The following TMEM230 variants were observed in gnomAD, a reference collection of about 807,000 sequenced individuals.
TMEM230 encodes transmembrane protein 230.
In TMEM230, 10 loss-of-function variants were observed where a neutral mutation model predicts 15.8. The ratio of observed to expected loss-of-function variants is 0.63; its 90% confidence interval spans 0.39 to 1.07. TMEM230 has a LOEUF of 1.07. TMEM230 is among the 50% of genes least tolerant of loss of function. The probability of loss-of-function intolerance (pLI) is 0.01; values close to 1 mark genes in which losing one functional copy is unlikely to be tolerated. For synonymous variants in TMEM230, 67 were observed against 76.9 expected (o/e 0.87, Z 0.68); for missense variants, 165 against 193.3 (o/e 0.85, Z 0.87).
At chr20:5,110,466 G>A (rs1320234401) in intron 2 of TMEM230, among the ~76,000 whole-genome samples, 2 of 151,936 alleles carry the variant, frequency 1.3e-5, no homozygotes, top group East Asian at 3.9e-4. Flanking sequence ...TGCATTTTTA[G>A]TAGAGATGGG....
intron 3 of TMEM230, among the ~76,000 whole-genome samples, chr20:5,106,824 T>A (rs565524113): frequency 2.6e-5 from 4 of 152,110 alleles, no homozygotes; most frequent in African/African-American, 9.7e-5. Context: ...TCTTGCCTCA[T>A]CCTCTCAAGT....
intron 3 of TMEM230, among the ~76,000 whole-genome samples, chr20:5,081,411 A>T (rs746413965): frequency 7.9e-5 from 12 of 152,228 alleles, no homozygotes; most frequent in Non-Finnish European, 1.6e-4. Flanking sequence ...CTATGGGCAC[A>T]GCAGGGGAGC....
In TMEM230 at chr20:5,106,295, G is replaced by T; in HGVS notation, c.304C>A (p.Pro102Thr). ...GCGATGGCCTTATAAGGGATCTTAG[G>T]AGGGGTTTTCTTAAACTGGAAGAGA... Residue 102 changes from proline (P) to threonine (T), a missense_variant, in exon 4 of 5, where the codon CCT (proline) becomes ACT (threonine). By Grantham distance (38) the Pro-to-Thr change is conservative. Transcript: ENST00000342308. The T allele has an allele frequency of 6.2e-7, 1 of 1,606,186 alleles. No homozygotes were observed. The highest frequency in any genetic ancestry group is 8.5e-7 in the Non-Finnish European group (1 of 1,177,912).
intron 1 of TMEM230, chr20:5,111,806 T>C: frequency 1.0e-6 from 1 of 980,006 alleles, no homozygotes; most frequent in Non-Finnish European, 1.2e-6. Flanking sequence ...ACTTTGTACA[T>C]ACCTAATTCC....
chr20:5,062,955 G>C, the TMEM230 span, among the ~76,000 whole-genome samples: 1 of 152,058 alleles, frequency 6.6e-6, no homozygotes, highest in Non-Finnish European at 1.5e-5. Context: ...AGTCTCCAGG[G>C]ACAGAGAGAG....
chr20:5,067,685 A>G (rs1003518848), downstream of TMEM230, among the ~76,000 whole-genome samples: 7 of 147,166 alleles, frequency 4.8e-5, no homozygotes, highest in African/African-American at 1.8e-4. Flanking sequence ...CTCATGATCC[A>G]CCTACCTCAA....
chr20:5,103,448 C>G (rs552723437), intron 4 of TMEM230, among the ~76,000 whole-genome samples: 2 of 151,882 alleles, frequency 1.3e-5, no homozygotes, highest in Admixed American at 6.6e-5. Context: ...CTGCTTGAGT[C>G]TAGGAGTTCG....
intron 3 of TMEM230, among the ~76,000 whole-genome samples, chr20:5,081,475 T>C (rs2089172667): frequency 6.6e-6 from 1 of 152,158 alleles, no homozygotes; most frequent in African/African-American, 2.4e-5. Flanking sequence ...AGCAGAACAA[T>C]TTGATGTGTG....
intron 3 of TMEM230, among the ~76,000 whole-genome samples, chr20:5,093,443 G>A (rs2089568805): frequency 6.6e-6 from 1 of 152,062 alleles, no homozygotes; most frequent in South Asian, 2.1e-4. Context: ...GTTTTGCCAT[G>A]TTGCCCAGGC....
At chr20:5,083,834 T>C (rs535001519) in intron 3 of TMEM230, among the ~76,000 whole-genome samples, 2 of 152,310 alleles carry the variant, frequency 1.3e-5, no homozygotes, top group Admixed American at 1.3e-4. Context: ...GGTCTGAAAA[T>C]TTGGAGGCAT....
At chr20:5,112,563 G>C (rs560590967) in intron 1 of TMEM230, among the ~76,000 whole-genome samples, 154 of 152,300 alleles carry the variant, frequency 1.0e-3, no homozygotes, top group Non-Finnish European at 1.6e-3. Flanking sequence ...TAAAAGACGG[G>C]AAAAATAAAA....
chr20:5,071,802 G>A (rs1456658246), intron 3 of TMEM230, among the ~76,000 whole-genome samples: 1 of 150,658 alleles, frequency 6.6e-6, no homozygotes, highest in Non-Finnish European at 1.5e-5. Context: ...GTGTAGTGGT[G>A]TGATCTCAGC....
At chr20:5,084,435 G>T (rs2089276240) in intron 3 of TMEM230, among the ~76,000 whole-genome samples, 1 of 151,982 alleles carries the variant, frequency 6.6e-6, no homozygotes, top group Non-Finnish European at 1.5e-5. Context: ...TATTGGTCAG[G>T]CTGGTCTTGA....
downstream of TMEM230, among the ~76,000 whole-genome samples, chr20:5,067,736 C>T (rs188051954): frequency 1.3e-4 from 19 of 146,272 alleles, no homozygotes; most frequent in East Asian, 6.2e-4. Context: ...CCACCACACC[C>T]GGCCTCCCCA....
At chr20:5,101,959 G>A (rs2089886701) in intron 4 of TMEM230, among the ~76,000 whole-genome samples, 1 of 152,206 alleles carries the variant, frequency 6.6e-6, no homozygotes, top group Non-Finnish European at 1.5e-5. Context: ...TCCAAATACT[G>A]ACAGTATGTC....
At chr20:5,111,693 A>G (rs992952999) in intron 1 of TMEM230, 2 of 541,434 alleles carry the variant, frequency 3.7e-6, no homozygotes, top group Non-Finnish European at 4.7e-6. Flanking sequence ...AAAAAGGACT[A>G]GTTTTTCTCT....
chr20:5,080,952 G>A (rs536263431), intron 3 of TMEM230, among the ~76,000 whole-genome samples: 2 of 152,336 alleles, frequency 1.3e-5, no homozygotes, highest in Non-Finnish European at 1.5e-5. Flanking sequence ...TGTCCATGAT[G>A]AGTTAAGTAC....
At chr20:5,080,439 A>G (rs2089146598) in intron 3 of TMEM230, among the ~76,000 whole-genome samples, 1 of 152,132 alleles carries the variant, frequency 6.6e-6, no homozygotes, top group Non-Finnish European at 1.5e-5. Flanking sequence ...CTGTGACCCC[A>G]TGACTGCTTC....
intron 3 of TMEM230, among the ~76,000 whole-genome samples, chr20:5,094,677 A>G (rs2089613219): frequency 7.6e-6 from 1 of 130,880 alleles, no homozygotes; most frequent in African/African-American, 2.9e-5. Flanking sequence ...ACGGCACTCC[A>G]GCCTGGGACA....
Sources: gnomAD v4.1 joint callset for allele counts (sites outside exome capture counted in the v4.1 genomes callset) on GRCh38, gnomAD v4.1.1 for gene constraint, MANE v1.5 for transcripts, NCBI Gene and HGNC (gene_info 2026-07-23, HGNC 2026-07-21) for gene names.